BICRA: variants seen among roughly 807,000 people sequenced by gnomAD.
BICRA encodes BRD4-interacting chromatin-remodeling complex-associated protein.
BICRA carries 31 observed loss-of-function variants against 96.9 expected under a neutral mutation model. That is an observed-to-expected ratio of 0.32 (90% CI 0.24 to 0.43). The LOEUF (loss-of-function observed/expected upper bound fraction) is 0.43, where lower values mean the gene tolerates loss of function less well. BICRA is among the 20% of genes least tolerant of loss of function. The pLI is 1.00. For missense variants in BICRA, 2,283 were observed against 2,190.3 expected, an observed-to-expected ratio of 1.04 and a Z score of -0.84; for synonymous variants, 1,350 against 1,071.8, an observed-to-expected ratio of 1.26 and a Z score of -5.07.
chr19:47,702,083 C>A lies in BICRA; in HGVS notation c.4351C>A (p.Pro1451Thr), dbSNP rs1292798797. ...QRMLKGPPPE[P>T]AASAAQGTGD... ...TATGCTGAAGGGCCCCCCGCCAGAG[C>A]CCGCAGCCAGCGCCGCCCAAGGCAC... The change falls in exon 15 of 15, where the codon CCC becomes ACC. Residue 1451 changes from proline to threonine, a missense_variant. Pro to Thr is a conservative substitution (Grantham distance 38). Transcript: ENST00000594866. 1 of 1,513,478 alleles carries A rather than the reference C, an allele frequency of 6.6e-7. No individual in the cohort carries two copies. Among genetic ancestry groups the A allele is most frequent in the Non-Finnish European group, 8.8e-7 (1 of 1,139,222 alleles). 93.8% of individuals were successfully genotyped at this position (1,513,478 alleles called of 1,614,324 possible).
intron 1 of BICRA, among the ~76,000 whole-genome samples, chr19:47,611,498 C>T (rs756663540): frequency 1.3e-5 from 2 of 152,110 alleles, no homozygotes; most frequent in Admixed American, 6.6e-5. Context: ...TCTACCTGAG[C>T]GGGGGACTTG....
In BICRA at chr19:47,702,787, C is replaced by A; in HGVS notation, c.*372C>A. ...CCAACGCTCCGGGTGCCTGTCTTGT[C>A]TGTGTGGCTTCTCAGATGGTGGAGG... On this transcript the variant is annotated 3_prime_UTR_variant, in exon 15 of 15. Transcript: ENST00000594866. The A allele has an allele frequency of 3.7e-6, 1 of 267,330 alleles. No homozygotes were observed. 16.6% of individuals were successfully genotyped at this position (267,330 alleles called of 1,614,324 possible).
rs532043186 is a variant in BICRA at position 47,685,607 on chromosome 19, G to T, written c.2283+3455G>T. Among the ~76,000 whole-genome samples the T allele has an allele frequency of 1.1e-3, 166 of 152,274 alleles. No individual in the cohort carries two copies. The Middle Eastern group carries it at 0.017, about 16-fold the overall frequency. ...CGCTATCCTGTGGATATGCAGGAATGCACGGAATAGCAGTTCCCAATCTGG... is the reference window on the plus strand; with the variant it reads ...CGCTATCCTGTGGATATGCAGGAATTCACGGAATAGCAGTTCCCAATCTGG... On this transcript the variant is annotated intron_variant, in intron 7 of 14. Transcript: ENST00000594866.
chr19:47,660,987 A>G (rs368249993), intron 1 of BICRA, among the ~76,000 whole-genome samples: 3 of 152,112 alleles, frequency 2.0e-5, no homozygotes, highest in Admixed American at 6.5e-5. Context: ...ACGCGGGCAG[A>G]TCACGAGGTC....
intron 1 of BICRA, among the ~76,000 whole-genome samples, chr19:47,669,529 TG>T (rs1418350648): frequency 6.6e-6 from 1 of 152,136 alleles, no homozygotes; most frequent in East Asian, 1.9e-4. Flanking sequence ...ATATACTATG[TG>T]TATACATAGT....
chr19:47,685,750 T>TGG (rs1198804221), intron 7 of BICRA, among the ~76,000 whole-genome samples: 9 of 116,120 alleles, frequency 7.8e-5, no homozygotes, highest in African/African-American at 2.9e-4. Context: ...TCTGTGTGTG[T>TGG]GTGTGTGTGT....
At chr19:47,638,178 G>C (rs1180374212) in intron 1 of BICRA, among the ~76,000 whole-genome samples, 1 of 151,970 alleles carries the variant, frequency 6.6e-6, no homozygotes, top group Non-Finnish European at 1.5e-5. Flanking sequence ...GAGAGAGTGA[G>C]TCTGGAAGTA....
Position 47,699,107 on chromosome 19 carries a change from A to AC in BICRA, c.3492+49dup, listed in dbSNP as rs773474980. Reference sequence around the variant, plus strand: ...CGCCTCTGGGCTCCTCCTCGCTGGGACACTGCCCCTTTCCCTCACCCGCTC... The same window carrying AC: ...CGCCTCTGGGCTCCTCCTCGCTGGGACCACTGCCCCTTTCCCTCACCCGCTC... On this transcript the variant is annotated intron_variant, in intron 13 of 14. Transcript: ENST00000594866. This position sits in a 1 kb window ranked among gnomAD's most constrained non-coding sequence, Gnocchi z 5.0. The AC allele has an allele frequency of 1.1e-5, 14 of 1,274,292 alleles. No homozygotes were observed. In the African/African-American group the frequency reaches 2.1e-4, roughly 19 times the overall value. The allele number at this position is 1,274,292 out of a possible 1,614,324, so 78.9% of individuals were successfully genotyped here. A position where few individuals can be genotyped will look rare whatever the true frequency, so the allele number is the denominator to read the frequency against.
In BICRA at chr19:47,680,678, C is replaced by G. The variant is rs1489432921; in HGVS notation, c.1508C>G (p.Pro503Arg). ...VGGQILAAAA[P>R]HTGGQLIANP... The stretch of plus-strand genomic sequence containing the variant: ...GGGCAGATCCTGGCGGCCGCTGCCC[C>G]CCACACAGGTGGACAGCTCATCGCG... Residue 503 changes from proline to arginine, a missense_variant, in exon 6 of 15, where the codon CCC (proline) becomes CGC (arginine). By Grantham distance (103) the Pro-to-Arg change is moderately radical. Coordinates refer to ENST00000594866, the MANE Select transcript of BICRA (RefSeq NM_001394372.1). The G allele has an allele frequency of 6.2e-7, 1 of 1,604,502 alleles. No individual in the cohort carries two copies. The highest frequency in any genetic ancestry group is 8.5e-7 in the Non-Finnish European group (1 of 1,175,582).
In BICRA at chr19:47,665,130, C is replaced by G. The variant is rs992294588; in HGVS notation, c.-107-5313C>G. ...CAGCACCCTCCCTGGCTGAGAACCA[C>G]CAGCTGTGCTCCCCAAGCCAGGGAT... On this transcript the variant is annotated intron_variant, in intron 1 of 14. Transcript: ENST00000594866. 7.9e-5 allele frequency among the ~76,000 whole-genome samples: 12 copies of G among 151,618 alleles called. No individual in the cohort carries two copies. The East Asian group carries it at 2.3e-3, about 30-fold the overall frequency.
At chr19:47,646,894 A>G (rs1972467907) in intron 1 of BICRA, among the ~76,000 whole-genome samples, 1 of 152,216 alleles carries the variant, frequency 6.6e-6, no homozygotes, top group South Asian at 2.1e-4. Context: ...AATCTATTAT[A>G]GAACATTTTC....
chr19:47,625,375 T>C (rs1482869664), intron 1 of BICRA, among the ~76,000 whole-genome samples: 3 of 151,560 alleles, frequency 2.0e-5, no homozygotes, highest in Non-Finnish European at 2.9e-5. Flanking sequence ...TGGTTCACTG[T>C]GGCCTCCAAC....
At chr19:47,612,868 C>A (rs528999155) in intron 1 of BICRA, among the ~76,000 whole-genome samples, 55 of 151,954 alleles carry the variant, frequency 3.6e-4, no homozygotes, top group Non-Finnish European at 6.6e-4. Context: ...TTTAAGGGAC[C>A]CCTTATCCCC....
At chr19:47,676,226 C>T (rs546693148) in intron 5 of BICRA, among the ~76,000 whole-genome samples, 3 of 152,006 alleles carry the variant, frequency 2.0e-5, no homozygotes, top group Admixed American at 2.0e-4. Flanking sequence ...GGAGCTGAAG[C>T]GGATGTGGGT....
chr19:47,678,530 G>C (rs985584266), intron 5 of BICRA, among the ~76,000 whole-genome samples: 2 of 152,214 alleles, frequency 1.3e-5, no homozygotes, highest in African/African-American at 4.8e-5. Context: ...GCCGGGACCA[G>C]TGGTGACAAG....
chr19:47,625,458 G>C (rs529717482), intron 1 of BICRA, among the ~76,000 whole-genome samples: 31 of 152,148 alleles, frequency 2.0e-4, no homozygotes, highest in African/African-American at 7.2e-4. Context: ...TGACTTTCTC[G>C]TCCAATTTCC....
chr19:47,695,342 T>TCTC, intron 9 of BICRA, 23 bp from the exon 10 acceptor site: 3 of 630,196 alleles, frequency 4.8e-6, no homozygotes, highest in East Asian at 2.8e-5. Flanking sequence ...AGGCCCTGTC[T>TCTC]CCCCCACCCC....
In BICRA at chr19:47,695,382, C is replaced by T. The variant is rs1184956788; in HGVS notation, c.3094C>T (p.Pro1032Ser). ...ACCCCCAGGCCTCCCTCCTCTGCTT[C>T]CAGCCGAGAACAAGGCTTTTGCCAG... Reference protein sequence around the residue: ...MAATGLPPLLPAENKAFASNL... With the variant: ...MAATGLPPLLSAENKAFASNL... Residue 1032 changes from proline to serine, a missense_variant, in exon 10 of 15, where the codon CCA (proline) becomes TCA (serine). Pro to Ser is a moderately conservative substitution (Grantham distance 74, BLOSUM62 -1). Transcript: ENST00000594866. 1.4e-6 allele frequency: 2 copies of T among 1,431,248 alleles called. No homozygotes were observed. Among genetic ancestry groups the T allele is most frequent in the South Asian group, 2.4e-5 (2 of 82,714 alleles). The allele number at this position is 1,431,248 out of a possible 1,614,324, so 88.7% of individuals were successfully genotyped here.
intron 1 of BICRA, among the ~76,000 whole-genome samples, chr19:47,644,426 C>A: frequency 7.0e-6 from 1 of 142,646 alleles, no homozygotes; most frequent in African/African-American, 2.6e-5. Flanking sequence ...CTTGCTTCCT[C>A]CCTCCCTCCC....
Sources: gnomAD v4.1 joint callset for allele counts (sites outside exome capture counted in the v4.1 genomes callset) on GRCh38, gnomAD v4.1.1 for gene constraint, Gnocchi (gnomAD v3.1) non-coding constraint, MANE v1.5 for transcripts, NCBI Gene and HGNC (gene_info 2026-07-23, HGNC 2026-07-21) for gene names.